The following VAV3 variants were observed in gnomAD, a reference collection of about 807,000 sequenced individuals.
VAV3 encodes the protein vav guanine nucleotide exchange factor 3.
VAV3 carries 94 observed loss-of-function variants against 131.2 expected under a neutral mutation model. The observed-to-expected ratio is 0.72, with a 90% CI of 0.61 to 0.85. VAV3 has a LOEUF of 0.85. VAV3 is among the 40% of genes least tolerant of loss of function. VAV3 has a pLI of 0.00. For synonymous variants in VAV3, 349 were observed against 342.0 expected (o/e 1.02, Z -0.22); for missense variants, 939 against 1,002.7 (o/e 0.94, Z 0.86).
intron 22 of VAV3, among the ~76,000 whole-genome samples, chr1:107,605,312 T>A (rs1338397905): frequency 1.3e-5 from 2 of 152,168 alleles, no homozygotes; most frequent in Non-Finnish European, 2.9e-5. Flanking sequence ...CATGAGTGGA[T>A]TAATGACCTT....
chr1:107,588,487 T>C (rs897959041), intron 25 of VAV3, among the ~76,000 whole-genome samples: 3 of 152,202 alleles, frequency 2.0e-5, no homozygotes, highest in African/African-American at 7.2e-5. Context: ...GGAGCAGCAG[T>C]AGTAATAGCA....
chr1:107,574,722 T>C (rs542027754), intron 25 of VAV3, among the ~76,000 whole-genome samples: 1 of 152,212 alleles, frequency 6.6e-6, no homozygotes, highest in Non-Finnish European at 1.5e-5. Flanking sequence ...TAAGTGGCAC[T>C]TTCTTCCCTA....
At chr1:107,797,913 TACTTCTAG>T (rs1666625438) in intron 2 of VAV3, among the ~76,000 whole-genome samples, 1 of 152,188 alleles carries the variant, frequency 6.6e-6, no homozygotes, top group Non-Finnish European at 1.5e-5. Flanking sequence ...CAAGAATTTG[TACTTCTAG>T]CAAGTTCTCA....
At chr1:107,637,804 T>C (rs758398582) in intron 20 of VAV3, among the ~76,000 whole-genome samples, 4 of 152,168 alleles carry the variant, frequency 2.6e-5, no homozygotes, top group Admixed American at 6.5e-5. Context: ...CCTTGAACAT[T>C]ACATTATTAT....
chr1:107,749,639 C>T lies in VAV3; in HGVS notation c.1260-45G>A, dbSNP rs550580549. ...TGATTGATTTTAAATGGTTTAGAAA[C>T]ATGGGTTATTAATTTTTTTGGGTAT... is the stretch of plus-strand genomic sequence containing the variant. On this transcript the variant is annotated intron_variant, in intron 13 of 26. Transcript: ENST00000370056. 1.1e-5 allele frequency: 18 copies of T among 1,576,494 alleles called. No homozygotes were observed. In the East Asian group the frequency reaches 3.6e-4, roughly 32 times the overall value.
intron 20 of VAV3, among the ~76,000 whole-genome samples, chr1:107,622,831 C>T (rs1302433484): frequency 6.6e-6 from 1 of 152,066 alleles, no homozygotes; most frequent in Non-Finnish European, 1.5e-5. Context: ...ACAGCATGGC[C>T]ATGAATAATG....
intron 19 of VAV3, among the ~76,000 whole-genome samples, chr1:107,678,928 A>C (rs1015607958): frequency 3.3e-5 from 5 of 152,060 alleles, no homozygotes; most frequent in Non-Finnish European, 5.9e-5. Context: ...AATATTTAAA[A>C]ATTTTATATG....
At chr1:107,822,971 T>C (rs1667865700) in intron 2 of VAV3, among the ~76,000 whole-genome samples, 1 of 152,112 alleles carries the variant, frequency 6.6e-6, no homozygotes, top group African/African-American at 2.4e-5. Context: ...GGCCATAAAA[T>C]TTTGGATGAG....
In VAV3 at chr1:107,596,209, T is replaced by TA; in HGVS notation, c.2350+2dup. ...AAATTGTATTCTCAATTACAATACT[T>TA]ACAGCTGTTGCCTGCTCTATTACCC... On this transcript the variant is annotated splice_region_variant and intron_variant, in intron 25 of 26. Transcript: ENST00000370056. 1.2e-6 allele frequency: 2 copies of TA among 1,611,234 alleles called. No homozygotes were observed. Among genetic ancestry groups the TA allele is most frequent in the African/African-American group, 1.3e-5 (1 of 74,898 alleles).
intron 25 of VAV3, among the ~76,000 whole-genome samples, chr1:107,581,919 C>CT (rs766775267): frequency 2.2e-4 from 33 of 152,172 alleles, no homozygotes; most frequent in Non-Finnish European, 4.7e-4. Context: ...AATAATTATC[C>CT]TTTACATGTA....
At chr1:107,754,791 C>G (rs573114732) in intron 12 of VAV3, among the ~76,000 whole-genome samples, 55 of 152,252 alleles carry the variant, frequency 3.6e-4, no homozygotes, top group African/African-American at 9.4e-4. Context: ...GAGCATTTCA[C>G]CTGCTACGGC....
chr1:107,624,607 G>C (rs1653868945), intron 20 of VAV3, among the ~76,000 whole-genome samples: 1 of 151,998 alleles, frequency 6.6e-6, no homozygotes, highest in Non-Finnish European at 1.5e-5. Context: ...AAAGAAATTT[G>C]CTTTTCTAAT....
chr1:107,879,726 T>G (rs1379542187), intron 1 of VAV3, among the ~76,000 whole-genome samples: 36 of 151,974 alleles, frequency 2.4e-4, no homozygotes, highest in Non-Finnish European at 2.9e-5. Flanking sequence ...AAAAAAATTG[T>G]ACAACTTTGC....
intron 2 of VAV3, among the ~76,000 whole-genome samples, chr1:107,861,638 A>C (rs562425346): frequency 6.6e-6 from 1 of 151,786 alleles, no homozygotes; most frequent in South Asian, 2.1e-4. Context: ...CAATAAAAAT[A>C]GTGTCCAGTG....
intron 2 of VAV3, among the ~76,000 whole-genome samples, chr1:107,783,257 A>T (rs4915073): frequency 0.083 from 12,598 of 152,204 alleles, 793 homozygotes; most frequent in East Asian, 0.27. Flanking sequence ...CAGGGTCAAA[A>T]CTGCCTTTTT....
chr1:107,760,725 C>A, intron 10 of VAV3, 59 bp downstream of exon 10: 1 of 1,343,104 alleles, frequency 7.4e-7, no homozygotes, highest in Non-Finnish European at 1.1e-6. Context: ...GTTGATGCTT[C>A]ATTAATATTT....
At chr1:107,588,866 T>C (rs1650716466) in intron 25 of VAV3, among the ~76,000 whole-genome samples, 2 of 152,206 alleles carry the variant, frequency 1.3e-5, no homozygotes, top group Non-Finnish European at 2.9e-5. Flanking sequence ...TCTTATTCCA[T>C]ATAAAATATT....
chr1:107,826,954 TTAATAG>T (rs1466906937), intron 2 of VAV3, among the ~76,000 whole-genome samples: 1 of 152,160 alleles, frequency 6.6e-6, no homozygotes, highest in Non-Finnish European at 1.5e-5. Flanking sequence ...AGATAATATT[TTAATAG>T]TATCTACCAT....
chr1:107,907,087 A>G (rs1358184124), intron 1 of VAV3, among the ~76,000 whole-genome samples: 1 of 152,222 alleles, frequency 6.6e-6, no homozygotes, highest in Admixed American at 6.5e-5. Context: ...GCATCCAGTT[A>G]CCAGAGAAAT....
Sources: gnomAD v4.1 joint callset for allele counts (sites outside exome capture counted in the v4.1 genomes callset) on GRCh38, gnomAD v4.1.1 for gene constraint, MANE v1.5 for transcripts, NCBI Gene and HGNC (gene_info 2026-07-23, HGNC 2026-07-21) for gene names.